Variants in PPP3CB observed in about 807,000 individuals in gnomAD.
PPP3CB encodes serine/threonine-protein phosphatase 2B catalytic subunit beta isoform.
A neutral mutation model predicts 66.4 loss-of-function variants in PPP3CB; 8 were observed. The observed-to-expected ratio is 0.12, with a 90% CI of 0.07 to 0.22. The LOEUF is 0.22. Ranked by LOEUF, PPP3CB falls within the 10% of genes least tolerant of loss-of-function variation. The probability of loss-of-function intolerance (pLI) is 1.00; values close to 1 mark genes in which losing one functional copy is unlikely to be tolerated. For synonymous variants in PPP3CB, 208 were observed against 221.2 expected (o/e 0.94, Z 0.53); for missense variants, 319 against 642.5 (o/e 0.50, Z 5.44).
intron 1 of PPP3CB, among the ~76,000 whole-genome samples, chr10:73,490,980 G>A (rs1472041942): frequency 6.8e-6 from 1 of 147,290 alleles, no homozygotes; most frequent in Non-Finnish European, 1.5e-5. Context: ...TTACAGGTGC[G>A]TGCCACCACA....
intron 1 of PPP3CB, among the ~76,000 whole-genome samples, chr10:73,488,698 G>A (rs1422683699): frequency 1.3e-5 from 2 of 152,044 alleles, no homozygotes; most frequent in Non-Finnish European, 2.9e-5. Flanking sequence ...GGTATCCATT[G>A]GGTCTCTTTT....
intron 4 of PPP3CB, among the ~76,000 whole-genome samples, chr10:73,473,507 T>A (rs1215553486): frequency 6.6e-6 from 1 of 151,880 alleles, no homozygotes; most frequent in Non-Finnish European, 1.5e-5. Flanking sequence ...ATACAAAAAT[T>A]AGCAGGACGT....
chr10:73,454,781 T>A (rs982479767), intron 9 of PPP3CB, among the ~76,000 whole-genome samples: 2 of 150,512 alleles, frequency 1.3e-5, no homozygotes, highest in African/African-American at 2.4e-5. Flanking sequence ...AACAACTGAA[T>A]GTATACATTT....
intron 1 of PPP3CB, among the ~76,000 whole-genome samples, chr10:73,485,621 A>T (rs939205151): frequency 6.6e-6 from 1 of 152,020 alleles, no homozygotes; most frequent in African/African-American, 2.4e-5. Context: ...TTTTCTCTGT[A>T]TTTCTTTCCC....
At chr10:73,452,695 CAA>C (rs1246405444) in intron 10 of PPP3CB, among the ~76,000 whole-genome samples, 11 of 86,226 alleles carry the variant, frequency 1.3e-4, no homozygotes, top group Admixed American at 2.5e-4. Flanking sequence ...GACTCTGTCT[CAA>C]AAAAAAAAAA....
chr10:73,462,251 T>C (rs1426925181), intron 9 of PPP3CB, among the ~76,000 whole-genome samples: 1 of 147,208 alleles, frequency 6.8e-6, no homozygotes. Context: ...CTTGAACTCC[T>C]AGGCTCAAGC....
intron 10 of PPP3CB, among the ~76,000 whole-genome samples, chr10:73,453,554 C>T (rs1314972593): frequency 6.6e-6 from 1 of 152,130 alleles, no homozygotes; most frequent in Non-Finnish European, 1.5e-5. Context: ...TGAGCCACCA[C>T]ATCTAGCCAA....
In PPP3CB at chr10:73,457,260, G is replaced by GAAAAAA. The variant is rs35129439; in HGVS notation, c.1109-2777_1109-2772dup. On this transcript the variant is annotated intron_variant, in intron 9 of 13. Coordinates refer to ENST00000360663, the MANE Select transcript of PPP3CB (RefSeq NM_021132.4). ...ACACAAAGATCCCATCTCTAAAAAA[G>GAAAAAA]AAAAAAAAAAAAAAAAAAAAAAAAA... Among the ~76,000 whole-genome samples, 252 of 69,018 alleles carry GAAAAAA rather than the reference G, an allele frequency of 3.7e-3. 3 individuals carry two copies. The highest frequency in any genetic ancestry group is 4.5e-3 in the Non-Finnish European group (156 of 34,314). 45.3% of individuals were successfully genotyped at this position (69,018 alleles called of 152,430 possible).
chr10:73,454,548 C>A, intron 9 of PPP3CB, 59 bp from the exon 10 acceptor site: 1 of 1,102,384 alleles, frequency 9.1e-7, no homozygotes, highest in Non-Finnish European at 1.3e-6. Context: ...TATACATACA[C>A]ATAGCAACTA....
intron 1 of PPP3CB, among the ~76,000 whole-genome samples, chr10:73,485,410 G>T (rs972255593): frequency 6.6e-6 from 1 of 152,160 alleles, no homozygotes; most frequent in Admixed American, 6.5e-5. Context: ...AACTGATCCT[G>T]TTCCCCAATT....
intron 8 of PPP3CB, among the ~76,000 whole-genome samples, chr10:73,468,025 T>C (rs2056646049): frequency 6.6e-6 from 1 of 152,150 alleles, no homozygotes; most frequent in South Asian, 2.1e-4. Context: ...AAACACAGAA[T>C]GGCAATGAGC....
chr10:73,488,601 T>A (rs2057025627), intron 1 of PPP3CB, among the ~76,000 whole-genome samples: 1 of 150,676 alleles, frequency 6.6e-6, no homozygotes, highest in African/African-American at 2.4e-5. Context: ...ATATAACCAT[T>A]TGCTTGCCAG....
chr10:73,479,130 T>C (rs1266860067), intron 2 of PPP3CB, among the ~76,000 whole-genome samples, 187 bp downstream of exon 2: 1 of 152,230 alleles, frequency 6.6e-6, no homozygotes, highest in Non-Finnish European at 1.5e-5. Flanking sequence ...ACTCAGATTA[T>C]TTAGAATCAT....
chr10:73,472,735 T>G (rs2056724001), intron 4 of PPP3CB, among the ~76,000 whole-genome samples: 1 of 152,164 alleles, frequency 6.6e-6, no homozygotes, highest in Non-Finnish European at 1.5e-5. Context: ...CATGCTCATG[T>G]CAGAAAAGCT....
chr10:73,484,910 G>A (rs182245966), intron 1 of PPP3CB, among the ~76,000 whole-genome samples: 48 of 151,980 alleles, frequency 3.2e-4, no homozygotes, highest in Admixed American at 9.2e-4. Flanking sequence ...AAATTAGCCC[G>A]GGCATGGTGG....
chr10:73,482,542 C>CAAAAAAAA (rs537336452), intron 1 of PPP3CB, among the ~76,000 whole-genome samples: 1 of 36,744 alleles, frequency 2.7e-5, no homozygotes, highest in African/African-American at 9.5e-5. Context: ...GACTCCGTCT[C>CAAAAAAAA]AAAAAAAAAA....
Position 73,470,928 on chromosome 10 carries a change from A to G in PPP3CB, c.846T>C (p.Asn282=). The G allele has an allele frequency of 1.2e-5, 20 of 1,613,588 alleles. 1 individual carries two copies. The Middle Eastern group carries it at 3.3e-3, about 267-fold the overall frequency. Residue 282 remains asparagine, a synonymous_variant, in exon 7 of 14, where the codon AAT becomes AAC. Coordinates refer to ENST00000360663, the MANE Select transcript of PPP3CB (RefSeq NM_021132.4). ...CATGAGCTCTAATAATCGATAACAA[A>G]TTATTGTTTTGCAAAAATTCACACA... ...PAVCEFLQNN[N]LLSIIRAHEA...
chr10:73,457,387 G>A (rs1216563374), intron 9 of PPP3CB, among the ~76,000 whole-genome samples: 4 of 149,150 alleles, frequency 2.7e-5, no homozygotes, highest in Non-Finnish European at 4.4e-5. Flanking sequence ...AGTGAGTTAC[G>A]ATTGCACTCC....
rs375853585 is a variant in PPP3CB at position 73,443,270 on chromosome 10, A to G, written c.1366+1455T>C. ...AGAGAAAGAGAGAGAGAGAGAGAGAAAGAAAGAAAGAAAGACAGAAAGAAA... is the reference window on the plus strand; with the variant it reads ...AGAGAAAGAGAGAGAGAGAGAGAGAGAGAAAGAAAGAAAGACAGAAAGAAA... On this transcript the variant is annotated intron_variant, in intron 12 of 13. Coordinates refer to ENST00000360663, the MANE Select transcript of PPP3CB (RefSeq NM_021132.4). 4.9e-3 allele frequency among the ~76,000 whole-genome samples: 631 copies of G among 128,854 alleles called. 5 individuals are homozygous for G. Among genetic ancestry groups the G allele is most frequent in the African/African-American group, 0.011 (336 of 29,622 alleles). The allele number at this position is 128,854 out of a possible 152,430, so 84.5% of individuals were successfully genotyped here.
Sources: allele counts gnomAD v4.1 joint callset (sites outside exome capture counted in the v4.1 genomes callset), GRCh38; gene constraint gnomAD v4.1.1; transcripts MANE v1.5; gene names NCBI Gene and HGNC (gene_info 2026-07-23, HGNC 2026-07-21).